ERCC1: variants seen among roughly 807,000 people sequenced by gnomAD.
ERCC1 encodes DNA excision repair protein ERCC-1.
In ERCC1, 36 loss-of-function variants were observed where a neutral mutation model predicts 37.6. That is an observed-to-expected ratio of 0.96 (90% CI 0.73 to 1.26). The LOEUF (loss-of-function observed/expected upper bound fraction) is 1.26. ERCC1 is among the 50% of genes most tolerant of loss of function. The pLI, the probability that ERCC1 is intolerant of heterozygous loss-of-function variation, is 0.00. For synonymous variants in ERCC1, 156 were observed against 162.1 expected (o/e 0.96, Z 0.28); for missense variants, 349 against 376.5 (o/e 0.93, Z 0.60).
chr19:45,443,571 T>C (rs1975176090), intron 1 of ERCC1, among the ~76,000 whole-genome samples: 1 of 152,016 alleles, frequency 6.6e-6, no homozygotes, highest in Non-Finnish European at 1.5e-5. Context: ...TCCCTTGGGA[T>C]GGGGGCGGAG....
intron 1 of ERCC1, among the ~76,000 whole-genome samples, chr19:45,431,885 C>T (rs1215941578): frequency 2.0e-5 from 3 of 152,070 alleles, no homozygotes; most frequent in African/African-American, 7.2e-5. Context: ...GACTGAGACC[C>T]TGCCTCAAAA....
chr19:45,418,029 C>T (rs150182611), intron 5 of ERCC1, among the ~76,000 whole-genome samples: 1 of 151,808 alleles, frequency 6.6e-6, no homozygotes, highest in African/African-American at 2.4e-5. Flanking sequence ...GAGTTCAAGA[C>T]CAGACTGGGT....
intron 1 of ERCC1, among the ~76,000 whole-genome samples, chr19:45,433,866 C>T (rs1393704367): frequency 6.6e-6 from 1 of 151,920 alleles, no homozygotes; most frequent in African/African-American, 2.4e-5. Context: ...GGCACAGTGG[C>T]TCACACCTGT....
At position 45,423,865 on chromosome 19, in the gene ERCC1, G is replaced by A. The variant is rs41540513; in HGVS notation, c.-92C>T. ...TCAAGGGAAAGACTGCAGAGGGATC[G>A]AGGCGGCCCACTGCCAGCACGGCCA... On this transcript the variant is annotated 5_prime_UTR_variant, in exon 1 of 10. Coordinates refer to ENST00000300853, the MANE Select transcript of ERCC1 (RefSeq NM_001983.4). 5,218 of 1,110,108 alleles carry A rather than the reference G, an allele frequency of 4.7e-3. 13 individuals carry two copies. Among genetic ancestry groups the A allele is most frequent in the Non-Finnish European group, 5.4e-3 (4,875 of 903,806 alleles). The allele number at this position is 1,110,108 out of a possible 1,614,324, so 68.8% of individuals were successfully genotyped here. A position where few individuals can be genotyped will look rare whatever the true frequency, so the allele number is the denominator to read the frequency against.
chr19:45,424,355 G>GAC (rs1974616919), upstream of ERCC1: 1 of 152,398 alleles, frequency 6.6e-6, no homozygotes, highest in African/African-American at 2.4e-5. Context: ...AAGGGACACA[G>GAC]ACACGTTCCC....
intron 1 of ERCC1, among the ~76,000 whole-genome samples, chr19:45,438,900 C>G (rs1429753972): frequency 6.6e-6 from 1 of 152,174 alleles, no homozygotes; most frequent in African/African-American, 2.4e-5. Context: ...CTCGGCCTCC[C>G]GAAGTGCTGG....
At chr19:45,417,723 G>A (rs1230632728) in intron 5 of ERCC1, among the ~76,000 whole-genome samples, 2 of 151,992 alleles carry the variant, frequency 1.3e-5, no homozygotes, top group African/African-American at 2.4e-5. Context: ...TTTTTCAGAC[G>A]GAGTCTCGCT....
chr19:45,437,982 A>G (rs992312862), intron 1 of ERCC1, among the ~76,000 whole-genome samples: 34 of 150,366 alleles, frequency 2.3e-4, no homozygotes, highest in Non-Finnish European at 4.7e-4. Context: ...ATCTCGGCTC[A>G]CTGCAACCTC....
intron 1 of ERCC1, among the ~76,000 whole-genome samples, chr19:45,434,138 T>TCTCA (rs1555790930): frequency 9.9e-6 from 1 of 100,558 alleles, no homozygotes; most frequent in African/African-American, 4.7e-5. Flanking sequence ...CAAGAATGTC[T>TCTCA]CACACACACA....
At chr19:45,429,067 C>A (rs1203468824) in intron 1 of ERCC1, 2 of 152,272 alleles carry the variant, frequency 1.3e-5, no homozygotes, top group Middle Eastern at 3.1e-3. Flanking sequence ...CATCCCAAGT[C>A]TCCGCTGGAG....
chr19:45,432,749 C>T (rs991945368), intron 1 of ERCC1, among the ~76,000 whole-genome samples: 14 of 152,140 alleles, frequency 9.2e-5, no homozygotes, highest in Admixed American at 7.9e-4. Flanking sequence ...GCTATGTTGC[C>T]CAGGCAGAGG....
Position 45,409,895 on chromosome 19 carries a change from A to AT in ERCC1, c.844-171dup, listed in dbSNP as rs57573120. 6.7e-3 allele frequency: 1,156 copies of AT among 171,464 alleles called. 4 individuals are homozygous for AT. Among genetic ancestry groups the AT allele is most frequent in the Middle Eastern group, 0.015 (7 of 456 alleles). 10.6% of individuals were successfully genotyped at this position (171,464 alleles called of 1,614,324 possible). On this transcript the variant is annotated intron_variant, in intron 9 of 9. Transcript: ENST00000300853. Reference sequence around the variant, plus strand: ...TTTTTAAGTTATTATTATTATTATTATTTTTTTTTTTTTTGAGATGGAGTC... The same window carrying AT: ...TTTTTAAGTTATTATTATTATTATTATTTTTTTTTTTTTTTGAGATGGAGTC...
chr19:45,414,326 A>C lies in ERCC1; in HGVS notation c.703-292T>G, dbSNP rs140379369. On this transcript the variant is annotated intron_variant, in intron 7 of 9. Coordinates refer to ENST00000300853, the MANE Select transcript of ERCC1 (RefSeq NM_001983.4). Reference sequence around the variant, plus strand: ...CCCCATCTTTACTAAAAAATACAAAAATTAGACAGGCATGGTTGTGGGCAC... The same window carrying C: ...CCCCATCTTTACTAAAAAATACAAACATTAGACAGGCATGGTTGTGGGCAC... 1,037 of 456,496 alleles carry C rather than the reference A, an allele frequency of 2.3e-3. 11 individuals are homozygous for C. The highest frequency in any genetic ancestry group is 0.017 in the African/African-American group (850 of 50,388). The allele number at this position is 456,496 out of a possible 1,614,324, so 28.3% of individuals were successfully genotyped here.
At position 45,430,465 on chromosome 19, in the gene ERCC1, A is replaced by G. The variant is rs193156756; in HGVS notation, c.-7-7084T>C. Reference sequence around the variant, plus strand: ...CTGCTTGCACTCAGAGCTTTCTCTTAAACCTAGGTCACCTTGGCTCCAAAG... The same window carrying G: ...CTGCTTGCACTCAGAGCTTTCTCTTGAACCTAGGTCACCTTGGCTCCAAAG... On this transcript the variant is annotated intron_variant, in intron 1 of 8. Coordinates refer to the ERCC1 transcript ENST00000423698. 1.3e-4 allele frequency among the ~76,000 whole-genome samples: 20 copies of G among 152,212 alleles called. No homozygotes were observed. The East Asian group carries it at 2.9e-3, about 22-fold the overall frequency.
intron 1 of ERCC1, among the ~76,000 whole-genome samples, chr19:45,443,485 C>G (rs1461738097): frequency 6.6e-6 from 1 of 152,176 alleles, no homozygotes; most frequent in African/African-American, 2.4e-5. Context: ...AGTAAGAAAA[C>G]GGGTTCGCGC....
intron 1 of ERCC1, among the ~76,000 whole-genome samples, chr19:45,435,853 C>T (rs1422043817): frequency 5.9e-5 from 9 of 152,142 alleles, no homozygotes; most frequent in Non-Finnish European, 1.5e-5. Context: ...CTCTGCCTCC[C>T]GGATTCAAGC....
At chr19:45,414,097 G>A in intron 7 of ERCC1, 63 bp from the exon 8 acceptor site, 4 of 1,333,110 alleles carry the variant, frequency 3.0e-6, no homozygotes, top group Non-Finnish European at 4.3e-6. Flanking sequence ...GAGCCTAGGA[G>A]GGCAGGGCTG....
rs2123516988 is a variant in ERCC1 at position 45,420,789 on chromosome 19, C to A, written c.322-362G>T. On this transcript the variant is annotated intron_variant, in intron 3 of 9. Transcript: ENST00000300853. The surrounding 1 kb of genome is among the most constrained non-coding windows in gnomAD (Gnocchi z 4.8). ...CACTTCCTGCCCTCACGCCCAGCAA[C>A]TTTTTGTGTTTTTAGTAGAGATGGG... Among the ~76,000 whole-genome samples the A allele has an allele frequency of 6.6e-6, 1 of 152,188 alleles. No individual in the cohort carries two copies. The highest frequency in any genetic ancestry group is 2.1e-4 in the South Asian group (1 of 4,814).
At position 45,421,265 on chromosome 19, in the gene ERCC1, T is replaced by C; in HGVS notation, c.234A>G (p.Thr78=). 1 of 1,614,198 alleles carries C rather than the reference T, an allele frequency of 6.2e-7. No individual in the cohort carries two copies. Among genetic ancestry groups the C allele is most frequent in the Non-Finnish European group, 8.5e-7 (1 of 1,180,032 alleles). ...TCTCTCCTGCCAGGGGCTCTGACCC[T>C]GTGGGGCACGTGGCCCCAGCCCCTT... ...PLEGAGATCP[T]GSEPLAGETP... Residue 78 remains threonine, a synonymous_variant, in exon 3 of 10, where the codon ACA becomes ACG. Transcript: ENST00000300853.
Sources: gnomAD v4.1 joint callset for allele counts (sites outside exome capture counted in the v4.1 genomes callset) on GRCh38, gnomAD v4.1.1 for gene constraint, Gnocchi (gnomAD v3.1) non-coding constraint, MANE v1.5 for transcripts, NCBI Gene and HGNC (gene_info 2026-07-23, HGNC 2026-07-21) for gene names.